The following PARG variants were observed in gnomAD, a reference collection of about 807,000 sequenced individuals.
PARG encodes the protein poly(ADP-ribose) glycohydrolase.
PARG carries 35 observed loss-of-function variants against 113.0 expected under a neutral mutation model. The observed-to-expected ratio is 0.31, with a 90% CI of 0.24 to 0.41. The LOEUF (loss-of-function observed/expected upper bound fraction) is 0.41. Ranked by LOEUF, PARG falls within the 10% of genes least tolerant of loss-of-function variation. PARG has a pLI of 1.00. For synonymous variants in PARG, 330 were observed against 409.9 expected, an observed-to-expected ratio of 0.81 and a Z score of 2.36; for missense variants, 797 against 1,169.4, an observed-to-expected ratio of 0.68 and a Z score of 4.64.
rs1838617010 is a variant in PARG, at chr10:49,933,909, T to C, written c.539A>G (p.Glu180Gly). Residue 180 changes from glutamate to glycine, a missense_variant, in exon 3 of 18, where the codon GAG (glutamate) becomes GGG (glycine). This residue lies in a region of PARG where 284 missense variants were observed against 306.1 expected (regional missense o/e 0.93). Transcript: ENST00000616448. ...SEPQTVTLVPEQFSNANIDRS... is the reference protein window; with the variant it reads ...SEPQTVTLVPGQFSNANIDRS... ...ATCAATGTTAGCATTACTAAACTGC[T>C]CTGGTACCAGGGTTACTGTTTGAGG... 4 of 1,604,770 alleles carry C rather than the reference T, an allele frequency of 2.5e-6. No homozygotes were observed. Among genetic ancestry groups the C allele is most frequent in the East Asian group, 2.2e-5 (1 of 44,828 alleles).
Position 49,886,301 on chromosome 10 carries a change from A to T in PARG, c.1738-1006T>A, listed in dbSNP as rs570201317. Among the ~76,000 whole-genome samples, 26 of 152,334 alleles carry T rather than the reference A, an allele frequency of 1.7e-4. 1 individual carries two copies. In the South Asian group the frequency reaches 4.3e-3, roughly 25 times the overall value. Reference sequence around the variant, plus strand: ...AAACAGACTCTTGACAAAAATCAGGAACTAAACTGAAATAAAGGTAAAACC... The same window carrying T: ...AAACAGACTCTTGACAAAAATCAGGTACTAAACTGAAATAAAGGTAAAACC... On this transcript the variant is annotated intron_variant, in intron 7 of 17. Transcript: ENST00000616448.
intron 4 of PARG, among the ~76,000 whole-genome samples, chr10:49,924,838 CTG>C (rs1418000135): frequency 1.3e-5 from 2 of 152,166 alleles, no homozygotes; most frequent in African/African-American, 4.8e-5. Context: ...CCCTGCTAAA[CTG>C]TGTCTTGTGG....
intron 8 of PARG, among the ~76,000 whole-genome samples, chr10:49,883,360 T>C (rs1264833285): frequency 3.3e-5 from 5 of 150,946 alleles, no homozygotes; most frequent in Admixed American, 3.3e-4. Flanking sequence ...CTAGCAGCCA[T>C]GCAGCAAGAG....
chr10:49,898,208 A>G (rs1848187683), intron 7 of PARG, among the ~76,000 whole-genome samples: 1 of 152,260 alleles, frequency 6.6e-6, no homozygotes, highest in Admixed American at 6.5e-5. Context: ...ACTTTAACTT[A>G]CAGAGTTACG....
chr10:49,937,865 G>A (rs1838827729), intron 1 of PARG, among the ~76,000 whole-genome samples: 1 of 152,178 alleles, frequency 6.6e-6, no homozygotes, highest in Non-Finnish European at 1.5e-5. Flanking sequence ...GTCCTTCTTA[G>A]GGCCTCAGAG....
intron 9 of PARG, among the ~76,000 whole-genome samples, chr10:49,870,351 C>G (rs1254683916): frequency 1.3e-5 from 2 of 151,848 alleles, no homozygotes; most frequent in African/African-American, 4.8e-5. Flanking sequence ...CCCTGATCTG[C>G]AGCTTCTAGC....
rs1402881698 is a variant in PARG, at chr10:49,866,306, T to C, written c.2069-925A>G. Among the ~76,000 whole-genome samples the C allele has an allele frequency of 2.6e-5, 4 of 151,718 alleles. No individual in the cohort carries two copies. In the East Asian group the frequency reaches 5.8e-4, roughly 22 times the overall value. On this transcript the variant is annotated intron_variant, in intron 10 of 17. Transcript: ENST00000616448. ...TGTCAGGAACTATTAGTGATGACAGTGTATAACCCAGTGAAAGCCTGGCCA... is the reference window on the plus strand; with the variant it reads ...TGTCAGGAACTATTAGTGATGACAGCGTATAACCCAGTGAAAGCCTGGCCA...
chr10:49,836,924 A>G lies in PARG; in HGVS notation c.2542-4016T>C, dbSNP rs557219038. 3.2e-4 allele frequency among the ~76,000 whole-genome samples: 49 copies of G among 152,284 alleles called. 1 individual carries two copies. Among genetic ancestry groups the G allele is most frequent in the African/African-American group, 9.9e-4 (41 of 41,568 alleles). ...ATTACTTAATCCTACCTAAAATCCTACCTAACATGGCAAATACAACTTTTC... is the reference window on the plus strand; with the variant it reads ...ATTACTTAATCCTACCTAAAATCCTGCCTAACATGGCAAATACAACTTTTC... On this transcript the variant is annotated intron_variant, in intron 15 of 17. Transcript: ENST00000616448.
At chr10:49,830,272 C>A (rs1169302623) in intron 16 of PARG, among the ~76,000 whole-genome samples, 1 of 152,190 alleles carries the variant, frequency 6.6e-6, no homozygotes, top group African/African-American at 2.4e-5. Context: ...TCTAGTCATT[C>A]ATTTTACTTA....
chr10:49,893,498 C>T (rs563137081), intron 7 of PARG, among the ~76,000 whole-genome samples: 127 of 152,024 alleles, frequency 8.4e-4, no homozygotes, highest in Non-Finnish European at 1.4e-3. Context: ...AATATTTCGC[C>T]GTCTTTTAAA....
At position 49,891,285 on chromosome 10, in the gene PARG, G is replaced by A. The variant is rs182289998; in HGVS notation, c.1738-5990C>T. Among the ~76,000 whole-genome samples, 34 of 152,252 alleles carry A rather than the reference G, an allele frequency of 2.2e-4. No individual in the cohort carries two copies. In the South Asian group the frequency reaches 6.8e-3, roughly 31 times the overall value. ...GCCGAGATCGTGCCACTGCACTTCCGCCTGGGCGACAGAGTGAGACTTTGT... is the reference window on the plus strand; with the variant it reads ...GCCGAGATCGTGCCACTGCACTTCCACCTGGGCGACAGAGTGAGACTTTGT... On this transcript the variant is annotated intron_variant, in intron 7 of 17. Coordinates refer to ENST00000616448, the MANE Select transcript of PARG (RefSeq NM_003631.5).
rs1452364799 is a variant in PARG at position 49,819,094 on chromosome 10, A to G, written c.*246T>C. On this transcript the variant is annotated 3_prime_UTR_variant, in exon 18 of 18. Transcript: ENST00000616448. ...GATGGACAAAAGAAATAAACATCAAAGAATGAAAAACTGAAATAGAAGAAA... is the reference window on the plus strand; with the variant it reads ...GATGGACAAAAGAAATAAACATCAAGGAATGAAAAACTGAAATAGAAGAAA... The G allele has an allele frequency of 2.9e-6, 1 of 348,600 alleles. No homozygotes were observed. Among genetic ancestry groups the G allele is most frequent in the African/African-American group, 2.1e-5 (1 of 47,116 alleles). The allele number at this position is 348,600 out of a possible 1,614,324, so 21.6% of individuals were successfully genotyped here.
At chr10:49,877,027 T>C (rs558205595) in intron 9 of PARG, among the ~76,000 whole-genome samples, 116 of 150,378 alleles carry the variant, frequency 7.7e-4, no homozygotes, top group African/African-American at 2.7e-3. Context: ...TTGCTGCCCC[T>C]TTCTTAGTGT....
intron 15 of PARG, among the ~76,000 whole-genome samples, chr10:49,840,405 A>C (rs1206718164): frequency 1.3e-5 from 2 of 151,328 alleles, no homozygotes; most frequent in Admixed American, 6.6e-5. Flanking sequence ...AAAAAAAAAC[A>C]AAAAACACAA....
At chr10:49,912,850 C>A (rs1837275844) in intron 7 of PARG, among the ~76,000 whole-genome samples, 1 of 152,076 alleles carries the variant, frequency 6.6e-6, no homozygotes, top group Non-Finnish European at 1.5e-5. Flanking sequence ...TGCCTGTAGT[C>A]CCAGCTAAAC....
chr10:49,863,074 T>C (rs1554836237), intron 11 of PARG, among the ~76,000 whole-genome samples: 1 of 151,794 alleles, frequency 6.6e-6, no homozygotes, highest in Non-Finnish European at 1.5e-5. Flanking sequence ...GGTTTTGTTT[T>C]GAAGCATTTT....
chr10:49,920,144 A>G (rs1226727555), intron 6 of PARG, among the ~76,000 whole-genome samples: 1 of 152,062 alleles, frequency 6.6e-6, no homozygotes, highest in African/African-American at 2.4e-5. Context: ...CACTACAGGT[A>G]TAAGGAGTTA....
At chr10:49,836,053 G>A (rs1341463974) in intron 15 of PARG, among the ~76,000 whole-genome samples, 6 of 152,060 alleles carry the variant, frequency 3.9e-5, no homozygotes, top group Non-Finnish European at 7.4e-5. Flanking sequence ...CACTTAGGTT[G>A]TGTAAAGTGA....
chr10:49,897,071 T>C (rs1413683154), intron 7 of PARG, among the ~76,000 whole-genome samples: 1 of 152,168 alleles, frequency 6.6e-6, no homozygotes, highest in African/African-American at 2.4e-5. Context: ...CTTGAGCCCC[T>C]TTTTCAGTTT....
Sources: gnomAD v4.1 joint callset for allele counts (sites outside exome capture counted in the v4.1 genomes callset) on GRCh38, gnomAD v4.1.1 for gene constraint, gnomAD v4.1.1 regional missense constraint, MANE v1.5 for transcripts, NCBI Gene and HGNC (gene_info 2026-07-23, HGNC 2026-07-21) for gene names.